The following ACTR2 variants were observed in gnomAD, a reference collection of about 807,000 sequenced individuals.
The protein encoded by ACTR2 is actin-related protein 2.
ACTR2 carries 5 observed loss-of-function variants against 50.2 expected under a neutral mutation model. The ratio of observed to expected loss-of-function variants is 0.10; its 90% CI spans 0.05 to 0.21. The LOEUF is 0.21. ACTR2 is among the 10% of genes least tolerant of loss of function. The pLI is 1.00. For missense variants in ACTR2, 180 were observed against 480.6 expected (o/e 0.37, Z 5.85); for synonymous variants, 140 against 162.9 (o/e 0.86, Z 1.07).
At chr2:65,251,644 A>G (rs1266064707) in intron 4 of ACTR2, among the ~76,000 whole-genome samples, 1 of 152,208 alleles carries the variant, frequency 6.6e-6, no homozygotes, top group Non-Finnish European at 1.5e-5. Flanking sequence ...TACAGGCATG[A>G]GTCACCGTGC....
At chr2:65,266,129 A>T (rs965521320) in intron 8 of ACTR2, among the ~76,000 whole-genome samples, 2 of 152,252 alleles carry the variant, frequency 1.3e-5, no homozygotes, top group Non-Finnish European at 2.9e-5. Flanking sequence ...ACATAGGTCT[A>T]GGTGCCGGGG....
At chr2:65,236,513 CAA>C (rs1175738637) in intron 1 of ACTR2, among the ~76,000 whole-genome samples, 1 of 152,092 alleles carries the variant, frequency 6.6e-6, no homozygotes, top group Admixed American at 6.6e-5. Flanking sequence ...CCGCATTAAA[CAA>C]AAGAGTTTCT....
intron 4 of ACTR2, among the ~76,000 whole-genome samples, chr2:65,252,318 G>A (rs868476762): frequency 1.8e-4 from 27 of 151,666 alleles, no homozygotes; most frequent in Middle Eastern, 6.8e-3. Flanking sequence ...GAGGCTTATT[G>A]CATCAAGGAA....
chr2:65,262,391 A>C (rs1268996475), intron 7 of ACTR2, among the ~76,000 whole-genome samples: 1 of 147,970 alleles, frequency 6.8e-6, no homozygotes, highest in African/African-American at 2.5e-5. Flanking sequence ...CACCATGCCC[A>C]GAATTTTTTT....
chr2:65,246,672 G>A lies in ACTR2; in HGVS notation c.308G>A (p.Arg103Lys), dbSNP rs1375589428. ...CCAGAGAAACTTAATATAGATACCA[G>A]AAATTGTAAAATCTTACTCACAGAA... ...FGPEKLNIDT[R>K]NCKILLTEPP... is the part of the protein sequence containing the mutation. The change falls in exon 3 of 9, where the codon AGA becomes AAA. Residue 103 changes from arginine to lysine, a missense_variant. By Grantham distance (26) the Arg-to-Lys change is conservative. Transcript: ENST00000260641. 1.2e-6 allele frequency: 2 copies of A among 1,613,574 alleles called. No homozygotes were observed. The highest frequency in any genetic ancestry group is 8.5e-7 in the Non-Finnish European group (1 of 1,179,820).
rs56942588 is a variant in ACTR2, at chr2:65,254,851, A to G, written c.586-694A>G. Among the ~76,000 whole-genome samples the G allele has an allele frequency of 9.0e-3, 1,373 of 152,350 alleles. 32 individuals are homozygous for G. Among genetic ancestry groups the G allele is most frequent in the African/African-American group, 0.031 (1,274 of 41,580 alleles). ...AGGGGAGATTAAATTAATGAGAATT[A>G]TAATACTCTCATTTTAGGCCAAAAT... On this transcript the variant is annotated intron_variant, in intron 5 of 8. Transcript: ENST00000260641.
intron 3 of ACTR2, among the ~76,000 whole-genome samples, chr2:65,248,484 C>G (rs1187201325): frequency 6.6e-6 from 1 of 152,098 alleles, no homozygotes; most frequent in Non-Finnish European, 1.5e-5. Context: ...ATTTAGATTT[C>G]TCTTGTGTTG....
In ACTR2 at chr2:65,255,704, T is replaced by C. The variant is rs2104009987; in HGVS notation, c.735+10T>C. 2 of 1,610,958 alleles carry C rather than the reference T, an allele frequency of 1.2e-6. No homozygotes were observed. The highest frequency in any genetic ancestry group is 1.7e-6 in the Non-Finnish European group (2 of 1,177,838). On this transcript the variant is annotated intron_variant, in intron 6 of 8. Transcript: ENST00000260641. ...AGTTGAATCTTATACAGTAAGTGTTTCCAGTGTATAATATATATGTGTTTT... is the reference window on the plus strand; with the variant it reads ...AGTTGAATCTTATACAGTAAGTGTTCCCAGTGTATAATATATATGTGTTTT...
chr2:65,254,180 C>A (rs1672104940), intron 5 of ACTR2, among the ~76,000 whole-genome samples: 1 of 152,240 alleles, frequency 6.6e-6, no homozygotes, highest in African/African-American at 2.4e-5. Flanking sequence ...GAAGAGACCC[C>A]TAATTTGAAA....
At chr2:65,254,479 C>A (rs1672110669) in intron 5 of ACTR2, among the ~76,000 whole-genome samples, 1 of 152,092 alleles carries the variant, frequency 6.6e-6, no homozygotes, top group South Asian at 2.1e-4. Flanking sequence ...CATAAGGTGT[C>A]TACTTGCTAA....
intron 8 of ACTR2, among the ~76,000 whole-genome samples, chr2:65,266,093 A>T (rs1672367958): frequency 6.6e-6 from 1 of 152,210 alleles, no homozygotes; most frequent in South Asian, 2.1e-4. Context: ...TATTCAGCAA[A>T]CATTTCTTGA....
Position 65,227,855 on chromosome 2 carries a change from C to A in ACTR2, c.-55C>A. 6.7e-7 allele frequency: 1 copy of A among 1,486,518 alleles called. No individual in the cohort carries two copies. Among genetic ancestry groups the A allele is most frequent in the Non-Finnish European group, 9.0e-7 (1 of 1,116,526 alleles). 92.1% of individuals were successfully genotyped at this position (1,486,518 alleles called of 1,614,324 possible). A position where few individuals can be genotyped will look rare whatever the true frequency, so the allele number is the denominator to read the frequency against. On this transcript the variant is annotated 5_prime_UTR_variant, in exon 1 of 9. Coordinates refer to ENST00000260641, the MANE Select transcript of ACTR2 (RefSeq NM_005722.4). ...CGCAAGAGGAAGAAGAGAAAACGGCCGGGCGGCGGTGGCTGTAGGTTGTGC... is the reference window on the plus strand; with the variant it reads ...CGCAAGAGGAAGAAGAGAAAACGGCAGGGCGGCGGTGGCTGTAGGTTGTGC...
intron 5 of ACTR2, among the ~76,000 whole-genome samples, chr2:65,254,861 C>G (rs17754417): frequency 0.033 from 5,013 of 152,190 alleles, 122 homozygotes; most frequent in Middle Eastern, 0.085. Flanking sequence ...ATAATACTCT[C>G]ATTTTAGGCC....
rs139407172 is a variant in ACTR2, at chr2:65,252,883, C to G, written c.449-845C>G. ...TTGAGAGGCTGAGGTGAGATGATCA[C>G]TTGAGCCCAGGAGGTTGAGGAAACA... On this transcript the variant is annotated intron_variant, in intron 4 of 8. Coordinates refer to ENST00000260641, the MANE Select transcript of ACTR2 (RefSeq NM_005722.4). Among the ~76,000 whole-genome samples, 386 of 152,262 alleles carry G rather than the reference C, an allele frequency of 2.5e-3. 1 individual carries two copies. The highest frequency in any genetic ancestry group is 5.0e-3 in the Non-Finnish European group (340 of 68,026).
intron 5 of ACTR2, among the ~76,000 whole-genome samples, chr2:65,255,184 G>T (rs1672126470): frequency 6.6e-6 from 1 of 152,166 alleles, no homozygotes; most frequent in Non-Finnish European, 1.5e-5. Flanking sequence ...GGCATTAATT[G>T]TGTGAGCAAA....
chr2:65,244,542 T>G (rs894478012), intron 2 of ACTR2, among the ~76,000 whole-genome samples: 1 of 152,204 alleles, frequency 6.6e-6, no homozygotes, highest in Non-Finnish European at 1.5e-5. Flanking sequence ...TTTTGATGGA[T>G]TTCAAAGTAA....
At chr2:65,254,964 G>C (rs898576280) in intron 5 of ACTR2, among the ~76,000 whole-genome samples, 1 of 151,878 alleles carries the variant, frequency 6.6e-6, no homozygotes, top group Non-Finnish European at 1.5e-5. Context: ...GTAAAGTCTA[G>C]TAATTTTTTT....
chr2:65,241,659 T>A (rs1671842653), intron 2 of ACTR2, among the ~76,000 whole-genome samples: 3 of 152,330 alleles, frequency 2.0e-5, no homozygotes, highest in South Asian at 4.1e-4. Flanking sequence ...TCTAACACTC[T>A]GCCTACTCAG....
At chr2:65,238,583 C>T (rs1427562210) in intron 1 of ACTR2, among the ~76,000 whole-genome samples, 5 of 145,558 alleles carry the variant, frequency 3.4e-5, no homozygotes, top group African/African-American at 1.3e-4. Context: ...GGCGTGAACC[C>T]GGGAGGTGGA....
Sources: gnomAD v4.1 joint callset for allele counts (sites outside exome capture counted in the v4.1 genomes callset) on GRCh38, gnomAD v4.1.1 for gene constraint, MANE v1.5 for transcripts, NCBI Gene and HGNC (gene_info 2026-07-23, HGNC 2026-07-21) for gene names.